The following SLC17A9 variants were observed in gnomAD, a reference collection of about 807,000 sequenced individuals.
The protein encoded by SLC17A9 is solute carrier family 17 member 9, also known as voltage-gated purine nucleotide uniporter SLC17A9.
SLC17A9 carries 49 observed loss-of-function variants against 55.0 expected under a neutral mutation model. That is an observed-to-expected ratio of 0.89 (90% CI 0.71 to 1.13). The LOEUF (loss-of-function observed/expected upper bound fraction) is 1.13. Ranked by LOEUF, SLC17A9 falls within the 50% of genes most tolerant of loss-of-function variation. The pLI is 0.00. For synonymous variants in SLC17A9, 256 were observed against 247.4 expected, an observed-to-expected ratio of 1.03 and a Z score of -0.32; for missense variants, 526 against 569.3, an observed-to-expected ratio of 0.92 and a Z score of 0.77.
intron 1 of SLC17A9, among the ~76,000 whole-genome samples, chr20:62,954,366 C>A (rs978019086): frequency 6.6e-6 from 1 of 152,236 alleles, no homozygotes; most frequent in Non-Finnish European, 1.5e-5. Context: ...GTTTGCTGCT[C>A]GCCTGGCCCG....
intron 8 of SLC17A9, among the ~76,000 whole-genome samples, 172 bp downstream of exon 8, chr20:62,964,487 G>A (rs2065617650): frequency 6.6e-6 from 1 of 152,196 alleles, no homozygotes; most frequent in African/African-American, 2.4e-5. Flanking sequence ...TTAGACTGTG[G>A]TGGAGGGTCT....
In SLC17A9 at chr20:62,963,107, A is replaced by T. The variant is rs2065603191; in HGVS notation, c.629-166A>T. ...GTTCTCAAAGGTGATGCTGCCTGTT[A>T]GGTGTCTGGTAGGGGAGGCCAAGGG... On this transcript the variant is annotated intron_variant, in intron 5 of 12. Coordinates refer to ENST00000370351, the MANE Select transcript of SLC17A9 (RefSeq NM_022082.4). 22 of 717,014 alleles carry T rather than the reference A, an allele frequency of 3.1e-5. No individual in the cohort carries two copies. The South Asian group carries it at 3.3e-4, about 11-fold the overall frequency. The allele number at this position is 717,014 out of a possible 1,614,324, so 44.4% of individuals were successfully genotyped here.
intron 3 of SLC17A9, among the ~76,000 whole-genome samples, chr20:62,957,786 CCTGT>C (rs2065551756): frequency 7.6e-6 from 1 of 131,282 alleles, no homozygotes; most frequent in South Asian, 2.7e-4. Context: ...CATGCGTGCA[CCTGT>C]GTGTGTGTGC....
At chr20:62,953,879 G>A (rs748920907) in intron 1 of SLC17A9, among the ~76,000 whole-genome samples, 7 of 152,240 alleles carry the variant, frequency 4.6e-5, no homozygotes, top group Non-Finnish European at 5.9e-5. Flanking sequence ...CCTGTCAGGC[G>A]CCAATTAGAG....
chr20:62,966,742 G>T lies in SLC17A9; in HGVS notation c.1147+10G>T. 6.2e-7 allele frequency: 1 copy of T among 1,609,166 alleles called. No individual in the cohort carries two copies. ...GCCGGGGCCTTGGCAGGTGAGGGGC[G>T]GGCCTCTGTGCCCAGGAGTTCCCCT... On this transcript the variant is annotated intron_variant, in intron 12 of 12. Transcript: ENST00000370351.
chr20:62,965,688 G>T lies in SLC17A9; in HGVS notation c.1024G>T (p.Ala342Ser). Residue 342 changes from alanine to serine, a missense_variant, in exon 10 of 13, where the codon GCA (alanine) becomes TCA (serine). By Grantham distance (99) the Ala-to-Ser change is moderately conservative. Transcript: ENST00000370351. ...TSSFCESVVF[A>S]SASIGLQTFN... Reference sequence around the variant, plus strand: ...CAGCTTCTGTGAGTCTGTGGTCTTTGCATCAGCCTCCATCGGCCTCCAGAC... The same window carrying T: ...CAGCTTCTGTGAGTCTGTGGTCTTTTCATCAGCCTCCATCGGCCTCCAGAC... 1.2e-6 allele frequency: 2 copies of T among 1,613,994 alleles called. No homozygotes were observed. Among genetic ancestry groups the T allele is most frequent in the Non-Finnish European group, 1.7e-6 (2 of 1,180,032 alleles).
intron 11 of SLC17A9, 46 bp from the exon 12 acceptor site, chr20:62,966,657 C>A (rs565576713): frequency 3.8e-5 from 61 of 1,613,760 alleles, no homozygotes; most frequent in Non-Finnish European, 5.0e-5. Flanking sequence ...TCCCGGAGGG[C>A]TTTTGCTGAC....
chr20:62,953,946 C>T (rs994770355), intron 1 of SLC17A9, among the ~76,000 whole-genome samples: 8 of 152,256 alleles, frequency 5.3e-5, no homozygotes, highest in Non-Finnish European at 7.3e-5. Flanking sequence ...CCCCCACCCA[C>T]GTTCATCCAG....
intron 7 of SLC17A9, chr20:62,963,932 C>G (rs1201635251): frequency 8.4e-6 from 5 of 596,692 alleles, no homozygotes; most frequent in Non-Finnish European, 1.5e-5. Flanking sequence ...CCTCCCAGCC[C>G]TCATCGTGAC....
intron 8 of SLC17A9, 114 bp downstream of exon 8, chr20:62,964,429 C>A: frequency 1.9e-6 from 2 of 1,037,686 alleles, no homozygotes; most frequent in Non-Finnish European, 3.0e-6. Flanking sequence ...AGAGCTGGGA[C>A]AGAGGGGCAC....
intron 10 of SLC17A9, among the ~76,000 whole-genome samples, chr20:62,966,000 T>C (rs137887577): frequency 0.011 from 1,686 of 152,314 alleles, 24 homozygotes; most frequent in Middle Eastern, 0.024. Context: ...GGGTCCTCCA[T>C]GAAGACGGGC....
intron 1 of SLC17A9, among the ~76,000 whole-genome samples, chr20:62,953,802 C>T (rs902238332): frequency 4.6e-5 from 7 of 152,250 alleles, no homozygotes; most frequent in African/African-American, 1.2e-4. Context: ...GTGCCACCAT[C>T]GGATGTTGGC....
rs981739818 is a variant in SLC17A9, at chr20:62,969,179, G to A, written c.*1679G>A. ...TTCAGAGGTGGGGCCTGTGCGTTGT[G>A]AATGAATTGCTGTCTCTCTCCTCCT... On this transcript the variant is annotated 3_prime_UTR_variant, in exon 13 of 13. Coordinates refer to ENST00000370351, the MANE Select transcript of SLC17A9 (RefSeq NM_022082.4). The A allele has an allele frequency of 2.6e-5, 4 of 152,240 alleles. No individual in the cohort carries two copies. The East Asian group carries it at 7.7e-4, about 29-fold the overall frequency. The allele number at this position is 152,240 out of a possible 1,614,324, so 9.4% of individuals were successfully genotyped here.
At chr20:62,965,280 AG>A in intron 9 of SLC17A9, 114 bp downstream of exon 9, 1 of 1,381,272 alleles carries the variant, frequency 7.2e-7, no homozygotes, top group East Asian at 2.3e-5. Flanking sequence ...GGCAAATGCC[AG>A]GCCTCTCCAT....
chr20:62,963,538 C>T (rs1442188412), intron 6 of SLC17A9, 46 bp from the exon 7 acceptor site: 1 of 1,558,012 alleles, frequency 6.4e-7, no homozygotes, highest in African/African-American at 1.4e-5. Flanking sequence ...CAGGCCCGGC[C>T]AGCTCGTGCG....
chr20:62,960,209 C>T (rs1057370306), intron 3 of SLC17A9, among the ~76,000 whole-genome samples: 11 of 152,200 alleles, frequency 7.2e-5, no homozygotes, highest in African/African-American at 2.7e-4. Flanking sequence ...AGCTGGAGGC[C>T]GGTGGTGAGA....
At position 62,962,421 on chromosome 20, in the gene SLC17A9, G is replaced by A; in HGVS notation, c.498-203G>A. On this transcript the variant is annotated intron_variant, in intron 4 of 12. Transcript: ENST00000370351. This position sits in a 1 kb window ranked among gnomAD's most constrained non-coding sequence, Gnocchi z 5.5. ...CTGGTCCCAGGTTCGCCCCAGCCCT[G>A]TGTGCCCGGAGTCTCCCCTGAGTAC... The A allele has an allele frequency of 2.0e-6, 1 of 504,742 alleles. No individual in the cohort carries two copies. The highest frequency in any genetic ancestry group is 2.5e-5 in the South Asian group (1 of 40,734). 31.3% of individuals were successfully genotyped at this position (504,742 alleles called of 1,614,324 possible).
Position 62,965,684 on chromosome 20 carries a change from C to G in SLC17A9, c.1020C>G (p.Val340=). ...CCTCCAGCTTCTGTGAGTCTGTGGT[C>G]TTTGCATCAGCCTCCATCGGCCTCC... ...GHTSSFCESV[V]FASASIGLQT... Residue 340 remains valine, a synonymous_variant, in exon 10 of 13, where the codon GTC becomes GTG. Transcript: ENST00000370351. 6.2e-7 allele frequency: 1 copy of G among 1,614,012 alleles called. No homozygotes were observed. The highest frequency in any genetic ancestry group is 1.7e-4 in the Middle Eastern group (1 of 6,056).
At position 62,967,515 on chromosome 20, in the gene SLC17A9, G is replaced by T. The variant is rs1050885572; in HGVS notation, c.*15G>T. ...AGGACCTCTAGCTCCCAACCCCACA[G>T]CCTCTCCAAGGACCCAGGCGCCAGC... On this transcript the variant is annotated 3_prime_UTR_variant, in exon 13 of 13. Transcript: ENST00000370351. 1 of 1,611,222 alleles carries T rather than the reference G, an allele frequency of 6.2e-7. No individual in the cohort carries two copies. Among genetic ancestry groups the T allele is most frequent in the Non-Finnish European group, 8.5e-7 (1 of 1,178,190 alleles).
Sources: allele counts gnomAD v4.1 joint callset (sites outside exome capture counted in the v4.1 genomes callset), GRCh38; gene constraint gnomAD v4.1.1; non-coding constraint Gnocchi (gnomAD v3.1); transcripts MANE v1.5; gene names NCBI Gene and HGNC (gene_info 2026-07-23, HGNC 2026-07-21).